Variants in CYTH1 observed in about 807,000 individuals in gnomAD.
CYTH1 encodes the protein cytohesin-1.
A neutral mutation model predicts 61.8 loss-of-function variants in CYTH1; 18 were observed. The observed-to-expected ratio is 0.29, with a 90% confidence interval of 0.20 to 0.43. CYTH1 has a LOEUF of 0.43. Among genes scored for constraint, CYTH1 ranks in the 20% least tolerant of loss-of-function variants. The pLI is 1.00. For synonymous variants in CYTH1, 174 were observed against 184.3 expected, an observed-to-expected ratio of 0.94 and a Z score of 0.45; for missense variants, 336 against 510.5, an observed-to-expected ratio of 0.66 and a Z score of 3.29.
At chr17:78,721,593 A>C (rs1360820179) in intron 1 of CYTH1, among the ~76,000 whole-genome samples, 1 of 152,208 alleles carries the variant, frequency 6.6e-6, no homozygotes, top group Non-Finnish European at 1.5e-5. Flanking sequence ...TCAGTGTTGG[A>C]GCCGTCTCAT....
chr17:78,737,888 C>T (rs1253538581), intron 1 of CYTH1, among the ~76,000 whole-genome samples: 7 of 151,448 alleles, frequency 4.6e-5, no homozygotes, highest in African/African-American at 1.5e-4. Flanking sequence ...CACACACACA[C>T]ACACACACAC....
chr17:78,777,442 A>T (rs1488591296), intron 1 of CYTH1, among the ~76,000 whole-genome samples: 2 of 152,236 alleles, frequency 1.3e-5, no homozygotes, highest in Non-Finnish European at 2.9e-5. Context: ...AAAAATAAAT[A>T]AATTAAATAA....
chr17:78,697,499 G>C (rs2092952494), intron 9 of CYTH1, among the ~76,000 whole-genome samples: 1 of 151,420 alleles, frequency 6.6e-6, no homozygotes. Flanking sequence ...ACAAATCTCA[G>C]CAATACAAGC....
At chr17:78,762,667 C>A (rs1261505157) in intron 1 of CYTH1, among the ~76,000 whole-genome samples, 1 of 152,142 alleles carries the variant, frequency 6.6e-6, no homozygotes, top group Non-Finnish European at 1.5e-5. Context: ...CCTAGAGTAT[C>A]CAAGTGGGCA....
At position 78,680,218 on chromosome 17, in the gene CYTH1, C is replaced by T. The variant is rs2092744605; in HGVS notation, c.1090G>A (p.Glu364Lys). 1.9e-6 allele frequency: 3 copies of T among 1,614,232 alleles called. No individual in the cohort carries two copies. The highest frequency in any genetic ancestry group is 1.7e-5 in the Admixed American group (1 of 60,030). The change falls in exon 13 of 14, where the codon GAG becomes AAG. Residue 364 changes from glutamate (E) to lysine (K), a missense_variant. Glu to Lys is a moderately conservative substitution (Grantham distance 56, BLOSUM62 1). Transcript: ENST00000446868. Reference protein sequence around the residue: ...VYRISAPTPEEKEEWIKCIKA... With the variant: ...VYRISAPTPEKKEEWIKCIKA... Reference sequence around the variant, plus strand: ...ATGCACTTAATCCACTCCTCCTTCTCCTCGGGCGTCGGAGCTGAGATCCGG... The same window carrying T: ...ATGCACTTAATCCACTCCTCCTTCTTCTCGGGCGTCGGAGCTGAGATCCGG...
chr17:78,695,015 G>A (rs1468904346), intron 10 of CYTH1, among the ~76,000 whole-genome samples: 1 of 152,100 alleles, frequency 6.6e-6, no homozygotes, highest in African/African-American at 2.4e-5. Context: ...ACCTCCCCGA[G>A]ACATCAAGGC....
intron 1 of CYTH1, chr17:78,724,139 A>G (rs2093252608): frequency 6.6e-6 from 1 of 152,226 alleles, no homozygotes; most frequent in South Asian, 2.1e-4. Context: ...CTTGGGGATG[A>G]TAATACAAGA....
intron 11 of CYTH1, among the ~76,000 whole-genome samples, chr17:78,688,880 C>T (rs2092846218): frequency 6.6e-6 from 1 of 152,156 alleles, no homozygotes; most frequent in Admixed American, 6.5e-5. Flanking sequence ...TTGAGTAGAA[C>T]TCTTGGCGTT....
chr17:78,732,615 TA>T (rs1348008800), intron 1 of CYTH1, among the ~76,000 whole-genome samples: 7 of 152,202 alleles, frequency 4.6e-5, no homozygotes, highest in African/African-American at 1.7e-4. Context: ...TGCTCCTGCT[TA>T]AAAATAAAGA....
intron 11 of CYTH1, among the ~76,000 whole-genome samples, chr17:78,687,240 C>T (rs1330819985): frequency 1.3e-5 from 2 of 151,722 alleles, no homozygotes; most frequent in East Asian, 3.9e-4. Flanking sequence ...GACAGTGACA[C>T]CCAACATGTG....
At chr17:78,735,873 A>G (rs569403438) in intron 1 of CYTH1, among the ~76,000 whole-genome samples, 200 of 152,346 alleles carry the variant, frequency 1.3e-3, no homozygotes, top group African/African-American at 4.5e-3. Context: ...AAAATACAAT[A>G]AAACACACAC....
intron 1 of CYTH1, among the ~76,000 whole-genome samples, chr17:78,767,026 G>A (rs999912678): frequency 1.3e-5 from 2 of 152,186 alleles, no homozygotes; most frequent in African/African-American, 2.4e-5. Context: ...AGGGTTCAAT[G>A]AGAACTTACG....
Position 78,674,974 on chromosome 17 carries a change from C to T in CYTH1, c.*1117G>A, listed in dbSNP as rs2092682450. 1 of 152,376 alleles carries T rather than the reference C, an allele frequency of 6.6e-6. No homozygotes were observed. The highest frequency in any genetic ancestry group is 1.5e-5 in the Non-Finnish European group (1 of 68,150). 9.4% of individuals were successfully genotyped at this position (152,376 alleles called of 1,614,324 possible). A position where few individuals can be genotyped will look rare whatever the true frequency, so the allele number is the denominator to read the frequency against. On this transcript the variant is annotated 3_prime_UTR_variant, in exon 14 of 14. Coordinates refer to ENST00000446868, the MANE Select transcript of CYTH1 (RefSeq NM_004762.6). ...GGAGCAGATAAAGGCCCATCTTCCC[C>T]TCTAGGGGGCCCACCACAAAATGCA...
At chr17:78,749,551 A>C (rs951701136) in intron 1 of CYTH1, among the ~76,000 whole-genome samples, 2 of 152,088 alleles carry the variant, frequency 1.3e-5, no homozygotes, top group African/African-American at 4.8e-5. Context: ...GGATTGCTTG[A>C]GCCCACAGGT....
At chr17:78,725,017 G>T (rs1256931556) in intron 1 of CYTH1, among the ~76,000 whole-genome samples, 1 of 152,062 alleles carries the variant, frequency 6.6e-6, no homozygotes, top group Non-Finnish European at 1.5e-5. Flanking sequence ...AATGTATATT[G>T]AGAGTCCCAG....
At chr17:78,758,046 T>TA (rs763734005) in intron 1 of CYTH1, among the ~76,000 whole-genome samples, 13 of 152,320 alleles carry the variant, frequency 8.5e-5, no homozygotes, top group South Asian at 4.1e-4. Flanking sequence ...TGGCAGTACA[T>TA]ATCAAGAGAC....
chr17:78,744,539 C>T (rs2093352736), intron 1 of CYTH1, among the ~76,000 whole-genome samples: 1 of 152,190 alleles, frequency 6.6e-6, no homozygotes, highest in Non-Finnish European at 1.5e-5. Flanking sequence ...CACCTGGACA[C>T]ACTGCACAAT....
chr17:78,780,933 C>T (rs999270228), intron 1 of CYTH1, among the ~76,000 whole-genome samples: 1 of 151,974 alleles, frequency 6.6e-6, no homozygotes, highest in Non-Finnish European at 1.5e-5. Flanking sequence ...CTCAGCTCAC[C>T]CAGGAGGCCG....
At chr17:78,738,096 T>C (rs937035700) in intron 1 of CYTH1, among the ~76,000 whole-genome samples, 1 of 152,194 alleles carries the variant, frequency 6.6e-6, no homozygotes, top group African/African-American at 2.4e-5. Context: ...TTTCGGCACA[T>C]CTCTTTAATT....
Sources: allele counts gnomAD v4.1 joint callset (sites outside exome capture counted in the v4.1 genomes callset), GRCh38; gene constraint gnomAD v4.1.1; transcripts MANE v1.5; gene names NCBI Gene and HGNC (gene_info 2026-07-23, HGNC 2026-07-21).